The following SLC16A7 variants were observed in gnomAD, a reference collection of about 807,000 sequenced individuals.
The protein encoded by SLC16A7 is solute carrier family 16 member 7.
A neutral mutation model predicts 34.9 loss-of-function variants in SLC16A7; 33 were observed. The observed-to-expected ratio is 0.94, with a 90% confidence interval of 0.72 to 1.26. The LOEUF is 1.26. Ranked by LOEUF, SLC16A7 falls within the 50% of genes most tolerant of loss-of-function variation. The pLI, the probability that SLC16A7 is intolerant of heterozygous loss-of-function variation, is 0.00. For missense variants in SLC16A7, 573 were observed against 578.1 expected (o/e 0.99, Z 0.09); for synonymous variants, 201 against 206.6 (o/e 0.97, Z 0.23).
At chr12:59,611,471 G>T (rs1233050288) in intron 1 of SLC16A7, among the ~76,000 whole-genome samples, 2 of 152,182 alleles carry the variant, frequency 1.3e-5, no homozygotes, top group Non-Finnish European at 1.5e-5. Flanking sequence ...AGGAACTACA[G>T]TTCAAGAGAA....
intron 1 of SLC16A7, among the ~76,000 whole-genome samples, chr12:59,626,656 T>C (rs1397468429): frequency 6.6e-6 from 1 of 151,802 alleles, no homozygotes; most frequent in African/African-American, 2.4e-5. Flanking sequence ...AATGAACATA[T>C]GACTATCATC....
chr12:59,779,272 G>A (rs1883048475), intron 5 of SLC16A7, 151 bp from the exon 6 acceptor site: 1 of 578,976 alleles, frequency 1.7e-6, no homozygotes, highest in East Asian at 3.0e-5. Context: ...AGCATATGTA[G>A]AAGTCATAAT....
intron 2 of SLC16A7, among the ~76,000 whole-genome samples, chr12:59,658,378 T>G (rs868670432): frequency 3.3e-4 from 50 of 152,048 alleles, no homozygotes; most frequent in African/African-American, 1.1e-3. Context: ...GATGGATCTT[T>G]GGGTAGCCTT....
chr12:59,756,631 A>G (rs1880384066), intron 3 of SLC16A7, among the ~76,000 whole-genome samples: 1 of 148,238 alleles, frequency 6.7e-6, no homozygotes, highest in Non-Finnish European at 1.5e-5. Flanking sequence ...GATGTGGAGA[A>G]ATAGAAACAC....
intron 2 of SLC16A7, among the ~76,000 whole-genome samples, chr12:59,684,248 A>G (rs192299683): frequency 2.3e-4 from 35 of 152,350 alleles, no homozygotes; most frequent in Non-Finnish European, 4.4e-4. Context: ...AGACTGATAA[A>G]AATAAAGTGT....
intron 2 of SLC16A7, among the ~76,000 whole-genome samples, chr12:59,685,553 A>G (rs1202229832): frequency 2.6e-5 from 4 of 152,158 alleles, no homozygotes; most frequent in Admixed American, 2.6e-4. Context: ...TTTTGTGGCT[A>G]TATAAATGCT....
intron 2 of SLC16A7, among the ~76,000 whole-genome samples, chr12:59,684,845 A>ATAGGGAATTGTC (rs1424509198): frequency 3.3e-5 from 5 of 152,202 alleles, no homozygotes; most frequent in Admixed American, 3.3e-4. Flanking sequence ...ATTGTCACCA[A>ATAGGGAATTGTC]ACCTGGAAGA....
At position 59,785,532 on chromosome 12, in the gene SLC16A7, CCTTT is replaced by C. The variant is rs1592291899; in HGVS notation, c.*5856_*5859del. ...TTCTTCATCATCTCCTAAATGTTTT[CCTTT>C]CTATGTTTTTATAATATCTAGGTAA... On this transcript the variant is annotated 3_prime_UTR_variant, in exon 6 of 6. Transcript: ENST00000547379. 1 of 152,072 alleles carries C rather than the reference CCTTT, an allele frequency of 6.6e-6. No individual in the cohort carries two copies. The highest frequency in any genetic ancestry group is 2.4e-5 in the African/African-American group (1 of 41,428). The allele number at this position is 152,072 out of a possible 1,614,324, so 9.4% of individuals were successfully genotyped here. A position where few individuals can be genotyped will look rare whatever the true frequency, so the allele number is the denominator to read the frequency against.
chr12:59,771,565 T>G (rs1172790339), intron 4 of SLC16A7, among the ~76,000 whole-genome samples: 1 of 152,180 alleles, frequency 6.6e-6, no homozygotes, highest in Admixed American at 6.6e-5. Context: ...TAAAAAATTA[T>G]CAGACAAGTT....
intron 1 of SLC16A7, among the ~76,000 whole-genome samples, chr12:59,643,286 A>G (rs1431717985): frequency 6.6e-6 from 1 of 152,172 alleles, no homozygotes; most frequent in Non-Finnish European, 1.5e-5. Context: ...ATTTGAATTG[A>G]AAGTCTGTAC....
intron 2 of SLC16A7, among the ~76,000 whole-genome samples, chr12:59,657,675 T>A (rs1868605050): frequency 6.6e-6 from 1 of 151,990 alleles, no homozygotes; most frequent in African/African-American, 2.4e-5. Flanking sequence ...ATCAGTCTTT[T>A]AGGCCTTCAC....
chr12:59,636,701 A>G (rs1880444402), intron 1 of SLC16A7, among the ~76,000 whole-genome samples: 1 of 152,146 alleles, frequency 6.6e-6, no homozygotes. Flanking sequence ...GGACAAATTC[A>G]GCTGGAGAGA....
intron 1 of SLC16A7, among the ~76,000 whole-genome samples, chr12:59,650,804 G>A (rs971238854): frequency 2.0e-5 from 3 of 152,150 alleles, no homozygotes; most frequent in African/African-American, 4.8e-5. Flanking sequence ...CCCTTGGTCA[G>A]TTATACTCCC....
intron 3 of SLC16A7, among the ~76,000 whole-genome samples, chr12:59,709,900 A>G (rs1874024327): frequency 6.6e-6 from 1 of 151,606 alleles, no homozygotes; most frequent in Non-Finnish European, 1.5e-5. Context: ...ATATAAGCGG[A>G]AGGACATCTG....
At chr12:59,746,472 A>G (rs574561952) in intron 3 of SLC16A7, among the ~76,000 whole-genome samples, 17 of 152,186 alleles carry the variant, frequency 1.1e-4, no homozygotes, top group Admixed American at 8.5e-4. Flanking sequence ...TTAATCTACA[A>G]TTTTTAATTT....
chr12:59,697,411 A>G (rs978470444), intron 2 of SLC16A7, among the ~76,000 whole-genome samples: 1 of 152,000 alleles, frequency 6.6e-6, no homozygotes, highest in African/African-American at 2.4e-5. Flanking sequence ...GCACATGTGT[A>G]TGTGAGTTTG....
Position 59,755,770 on chromosome 12 carries a change from T to C in SLC16A7, c.218-15449T>C, listed in dbSNP as rs948391478. On this transcript the variant is annotated intron_variant, in intron 3 of 5. Coordinates refer to ENST00000547379, the MANE Select transcript of SLC16A7 (RefSeq NM_001270623.2). ...GGAAAAAGCTACTTTCAAGTTCATA[T>C]GGAACCAAAAAGGAGCCCTCATCGC... 5.3e-5 allele frequency among the ~76,000 whole-genome samples: 8 copies of C among 152,322 alleles called. No individual in the cohort carries two copies. In the South Asian group the frequency reaches 1.0e-3, roughly 20 times the overall value.
chr12:59,736,443 A>G (rs1877613617), intron 3 of SLC16A7, among the ~76,000 whole-genome samples: 1 of 152,220 alleles, frequency 6.6e-6, no homozygotes, highest in South Asian at 2.1e-4. Context: ...GCAGCCACTA[A>G]GGTCCATTGT....
At chr12:59,766,736 T>C (rs1168557642) in intron 3 of SLC16A7, among the ~76,000 whole-genome samples, 1 of 152,198 alleles carries the variant, frequency 6.6e-6, no homozygotes, top group Non-Finnish European at 1.5e-5. Context: ...GTTTTGCCAG[T>C]ATTTTATTGA....
Sources: allele counts gnomAD v4.1 joint callset (sites outside exome capture counted in the v4.1 genomes callset), GRCh38; gene constraint gnomAD v4.1.1; transcripts MANE v1.5; gene names NCBI Gene and HGNC (gene_info 2026-07-23, HGNC 2026-07-21).